Variants in MLLT3 observed in about 807,000 individuals in gnomAD.
MLLT3 encodes protein AF-9.
In MLLT3, 4 loss-of-function variants were observed where a neutral mutation model predicts 53.2. The ratio of observed to expected loss-of-function variants is 0.08; its 90% CI spans 0.04 to 0.17. The LOEUF (loss-of-function observed/expected upper bound fraction) is 0.17. Ranked by LOEUF, MLLT3 falls within the 10% of genes least tolerant of loss-of-function variation. MLLT3 has a pLI of 1.00. For missense variants in MLLT3, 569 were observed against 684.0 expected (o/e 0.83, Z 1.87); for synonymous variants, 283 against 230.6 (o/e 1.23, Z -2.06).
chr9:20,615,923 A>G (rs1402262240), intron 2 of MLLT3, among the ~76,000 whole-genome samples: 1 of 150,860 alleles, frequency 6.6e-6, no homozygotes, highest in African/African-American at 2.4e-5. Context: ...CCCTCTTGTC[A>G]CTGTTTTTAA....
In MLLT3 at chr9:20,621,683, C is replaced by A. The variant is rs1057057809; in HGVS notation, c.12+562G>T. 5.2e-5 allele frequency: 70 copies of A among 1,336,060 alleles called. No homozygotes were observed. Among genetic ancestry groups the A allele is most frequent in the Non-Finnish European group, 6.7e-5 (67 of 1,000,598 alleles). 82.8% of individuals were successfully genotyped at this position (1,336,060 alleles called of 1,614,324 possible). ...GCCGAGCCTCGGCTCGCGCTCAGCA[C>A]CTCCCGGCGCTGGGGCAAAGTTGCG... On this transcript the variant is annotated intron_variant, in intron 1 of 10. Transcript: ENST00000380338. The surrounding 1 kb of genome is among the most constrained non-coding windows in gnomAD (Gnocchi z 7.0).
intron 10 of MLLT3, among the ~76,000 whole-genome samples, chr9:20,348,579 C>G (rs1820935195): frequency 1.3e-5 from 2 of 152,174 alleles, no homozygotes; most frequent in African/African-American, 2.4e-5. Flanking sequence ...TTACTTACCT[C>G]CAGGCTTACT....
intron 5 of MLLT3, among the ~76,000 whole-genome samples, chr9:20,407,029 A>G (rs1387226453): frequency 6.6e-6 from 1 of 152,202 alleles, no homozygotes; most frequent in African/African-American, 2.4e-5. Context: ...AATTACATAG[A>G]CACCAAAAGA....
At chr9:20,432,591 G>T (rs1041780715) in intron 4 of MLLT3, among the ~76,000 whole-genome samples, 3 of 151,970 alleles carry the variant, frequency 2.0e-5, no homozygotes, top group African/African-American at 7.2e-5. Flanking sequence ...CATACAGGGT[G>T]GGGGGAAAAA....
chr9:20,342,308 G>C lies in MLLT3; in HGVS notation c.*4135C>G, dbSNP rs1820754455. 1 of 224,754 alleles carries C rather than the reference G, an allele frequency of 4.4e-6. No individual in the cohort carries two copies. Among genetic ancestry groups the C allele is most frequent in the African/African-American group, 2.2e-5 (1 of 44,846 alleles). The allele number at this position is 224,754 out of a possible 1,614,324, so 13.9% of individuals were successfully genotyped here. ...AGAAGGGAAATACATCTTACAGTGT[G>C]CCTTGAATTCACACAAAAGCATGTA... is the stretch of plus-strand genomic sequence containing the variant. On this transcript the variant is annotated 3_prime_UTR_variant, in exon 11 of 11. Coordinates refer to ENST00000380338, the MANE Select transcript of MLLT3 (RefSeq NM_004529.4).
At chr9:20,379,023 A>T (rs544101176) in intron 5 of MLLT3, among the ~76,000 whole-genome samples, 3 of 152,230 alleles carry the variant, frequency 2.0e-5, no homozygotes, top group Admixed American at 2.0e-4. Flanking sequence ...TAAGCCTAAC[A>T]GTTGCTTTTC....
chr9:20,495,203 T>C (rs1284311804), intron 2 of MLLT3, among the ~76,000 whole-genome samples: 1 of 152,150 alleles, frequency 6.6e-6, no homozygotes, highest in African/African-American at 2.4e-5. Flanking sequence ...TGGGCAACCA[T>C]ACCCAGAATT....
intron 3 of MLLT3, among the ~76,000 whole-genome samples, chr9:20,451,707 T>C (rs889936975): frequency 2.6e-5 from 4 of 152,202 alleles, no homozygotes; most frequent in African/African-American, 7.2e-5. Context: ...ATACATTTCC[T>C]AGAGGTGGAA....
chr9:20,472,580 G>C (rs1327234032), intron 2 of MLLT3, among the ~76,000 whole-genome samples: 1 of 151,908 alleles, frequency 6.6e-6, no homozygotes, highest in African/African-American at 2.4e-5. Flanking sequence ...AGCAGTAGTT[G>C]AACACCCTAG....
intron 2 of MLLT3, among the ~76,000 whole-genome samples, chr9:20,458,403 C>T (rs566954391): frequency 6.6e-6 from 1 of 152,174 alleles, no homozygotes; most frequent in Non-Finnish European, 1.5e-5. Context: ...AGGCGAGCTA[C>T]CTCTGCAAAA....
At chr9:20,546,256 T>A (rs1371457770) in intron 2 of MLLT3, among the ~76,000 whole-genome samples, 1 of 152,168 alleles carries the variant, frequency 6.6e-6, no homozygotes, top group Non-Finnish European at 1.5e-5. Flanking sequence ...AATCTACACA[T>A]GTAATTTAAA....
intron 2 of MLLT3, among the ~76,000 whole-genome samples, chr9:20,582,794 T>A (rs112016942): frequency 2.0e-5 from 3 of 152,298 alleles, no homozygotes; most frequent in Non-Finnish European, 4.4e-5. Context: ...CCGGCCTCCA[T>A]GATTCAATTA....
At chr9:20,364,391 G>C (rs754895271) in intron 6 of MLLT3, among the ~76,000 whole-genome samples, 3 of 152,194 alleles carry the variant, frequency 2.0e-5, no homozygotes, top group South Asian at 4.1e-4. Flanking sequence ...AAATTCATCA[G>C]TGTGGCTTAT....
In MLLT3 at chr9:20,548,660, G is replaced by A. The variant is rs540750952; in HGVS notation, c.193+71994C>T. ...AGAAAAGTCATCCCCTGTCCCAGGT[G>A]TAATCTCTTCTGCGGGCTCTGGGCA... On this transcript the variant is annotated intron_variant, in intron 2 of 10. Transcript: ENST00000380338. Among the ~76,000 whole-genome samples the A allele has an allele frequency of 6.6e-5, 10 of 152,302 alleles. No individual in the cohort carries two copies. The South Asian group carries it at 1.9e-3, about 28-fold the overall frequency.
chr9:20,414,786 T>C (rs762102217), intron 4 of MLLT3, among the ~76,000 whole-genome samples: 3 of 152,134 alleles, frequency 2.0e-5, no homozygotes, highest in Non-Finnish European at 2.9e-5. Flanking sequence ...CTATGATTGA[T>C]AGATGTTGAC....
Position 20,354,892 on chromosome 9 carries a change from G to C in MLLT3, c.1432-13C>G, listed in dbSNP as rs779162567. Reference sequence around the variant, plus strand: ...TCACTTCAAGAATCTAGGGATCAAAGAGAACGCTGTGTTAAATTTTATTTC... The same window carrying C: ...TCACTTCAAGAATCTAGGGATCAAACAGAACGCTGTGTTAAATTTTATTTC... On this transcript the variant is annotated splice_polypyrimidine_tract_variant and intron_variant, in intron 8 of 10. Transcript: ENST00000380338. 1 of 1,600,596 alleles carries C rather than the reference G, an allele frequency of 6.2e-7. No homozygotes were observed. Among genetic ancestry groups the C allele is most frequent in the African/African-American group, 1.3e-5 (1 of 74,674 alleles).
chr9:20,580,763 T>C (rs1362360142), intron 2 of MLLT3, among the ~76,000 whole-genome samples: 1 of 152,234 alleles, frequency 6.6e-6, no homozygotes, highest in Non-Finnish European at 1.5e-5. Flanking sequence ...AATTCATTTT[T>C]GTATAAAATA....
intron 4 of MLLT3, among the ~76,000 whole-genome samples, chr9:20,423,373 A>G (rs1232075104): frequency 6.6e-6 from 1 of 152,226 alleles, no homozygotes; most frequent in Non-Finnish European, 1.5e-5. Context: ...TCTAGGCAGA[A>G]CTATACAAAT....
At chr9:20,434,730 A>G (rs1318728450) in intron 4 of MLLT3, among the ~76,000 whole-genome samples, 1 of 152,160 alleles carries the variant, frequency 6.6e-6, no homozygotes, top group Admixed American at 6.5e-5. Flanking sequence ...AAAAATGCCA[A>G]ATGAGGTTGT....
Sources: allele counts gnomAD v4.1 joint callset (sites outside exome capture counted in the v4.1 genomes callset), GRCh38; gene constraint gnomAD v4.1.1; non-coding constraint Gnocchi (gnomAD v3.1); transcripts MANE v1.5; gene names NCBI Gene and HGNC (gene_info 2026-07-23, HGNC 2026-07-21).